Variants in TMEFF1 observed in about 807,000 individuals in gnomAD.
TMEFF1 encodes the protein transmembrane protein with EGF like and two follistatin like domains 1, also known as tomoregulin-1.
In TMEFF1, 20 loss-of-function variants were observed where a neutral mutation model predicts 47.5. The ratio of observed to expected loss-of-function variants is 0.42; its 90% confidence interval spans 0.30 to 0.61. The LOEUF is 0.61. Among genes scored for constraint, TMEFF1 ranks in the 20% least tolerant of loss-of-function variants. TMEFF1 has a pLI of 0.19. For missense variants in TMEFF1, 411 were observed against 471.1 expected, an observed-to-expected ratio of 0.87 and a Z score of 1.18; for synonymous variants, 162 against 166.3, an observed-to-expected ratio of 0.97 and a Z score of 0.20.
At chr9:100,538,164 T>C (rs955624301) in intron 5 of TMEFF1, among the ~76,000 whole-genome samples, 7 of 152,142 alleles carry the variant, frequency 4.6e-5, no homozygotes, top group African/African-American at 1.2e-4. Flanking sequence ...ATGATTCTCC[T>C]GTCTCAGCCT....
chr9:100,523,089 C>A (rs965087746), intron 5 of TMEFF1, among the ~76,000 whole-genome samples: 54 of 152,166 alleles, frequency 3.5e-4, no homozygotes, highest in African/African-American at 1.3e-3. Context: ...AGAGTTTTGC[C>A]TTTAAAATGC....
intron 7 of TMEFF1, among the ~76,000 whole-genome samples, chr9:100,556,288 G>C (rs1316690228): frequency 2.6e-5 from 4 of 152,140 alleles, no homozygotes; most frequent in Non-Finnish European, 5.9e-5. Context: ...CTTGATCTCA[G>C]CTTACTACAT....
chr9:100,495,439 CT>C (rs1837634409), intron 1 of TMEFF1, among the ~76,000 whole-genome samples: 1 of 151,686 alleles, frequency 6.6e-6, no homozygotes, highest in African/African-American at 2.4e-5. Flanking sequence ...GTTTTGTCCC[CT>C]GTCTCTTGAA....
Position 100,473,644 on chromosome 9 carries a change from C to T in TMEFF1, c.100C>T (p.Leu34=), listed in dbSNP as rs774030608. 4 of 1,552,624 alleles carry T rather than the reference C, an allele frequency of 2.6e-6. No homozygotes were observed. The highest frequency in any genetic ancestry group is 1.2e-5 in the South Asian group (1 of 83,406). The change falls in exon 1 of 10, where the codon CTG becomes TTG. Residue 34 remains leucine (L), a synonymous_variant. Transcript: ENST00000374879. The surrounding 1 kb of genome is among the most constrained non-coding windows in gnomAD (Gnocchi z 5.4). The part of the protein sequence containing the change: ...TSVLLLFAFS[L]PGSRASNQPP... ...GGTGCTTCTGCTCTTCGCCTTCTCTCTGCCCGGGAGCCGCGCGTCCAACCA... is the reference window on the plus strand; with the variant it reads ...GGTGCTTCTGCTCTTCGCCTTCTCTTTGCCCGGGAGCCGCGCGTCCAACCA...
At chr9:100,531,329 T>C (rs1035368671) in intron 5 of TMEFF1, among the ~76,000 whole-genome samples, 1 of 152,208 alleles carries the variant, frequency 6.6e-6, no homozygotes, top group Non-Finnish European at 1.5e-5. Flanking sequence ...ATTGTATATC[T>C]AGAAAACCCG....
At position 100,545,563 on chromosome 9, in the gene TMEFF1, C is replaced by T. The variant is rs78920076; in HGVS notation, c.561-2181C>T. ...CTGCCATGAAGACCTCTGACATGCC[C>T]TGGAGACATTTTCCCCATTGTTTTG... is the stretch of plus-strand genomic sequence containing the variant. On this transcript the variant is annotated intron_variant, in intron 5 of 9. Transcript: ENST00000374879. Among the ~76,000 whole-genome samples, 616 of 152,304 alleles carry T rather than the reference C, an allele frequency of 4.0e-3. 8 individuals carry two copies. The East Asian group carries it at 0.051, about 13-fold the overall frequency.
At chr9:100,513,017 A>C (rs927010165) in intron 3 of TMEFF1, among the ~76,000 whole-genome samples, 8 of 152,290 alleles carry the variant, frequency 5.3e-5, no homozygotes, top group Admixed American at 5.2e-4. Context: ...ATTTATATTT[A>C]GCCTTTTACT....
chr9:100,536,345 A>G (rs1838506678), intron 5 of TMEFF1, among the ~76,000 whole-genome samples: 1 of 152,166 alleles, frequency 6.6e-6, no homozygotes, highest in Non-Finnish European at 1.5e-5. Context: ...TTTTAAATGA[A>G]AGTGGTTATT....
chr9:100,561,743 T>A (rs1204385016), intron 8 of TMEFF1, among the ~76,000 whole-genome samples: 1 of 151,772 alleles, frequency 6.6e-6, no homozygotes, highest in Non-Finnish European at 1.5e-5. Context: ...ATTTTAAATA[T>A]AATACTATAC....
chr9:100,575,549 T>TA (rs1839336608), intron 9 of TMEFF1, among the ~76,000 whole-genome samples: 1 of 152,278 alleles, frequency 6.6e-6, no homozygotes, highest in South Asian at 2.1e-4. Flanking sequence ...ATTAGTGAGG[T>TA]AAAACCATAT....
chr9:100,489,938 G>A (rs1408942437), intron 1 of TMEFF1, among the ~76,000 whole-genome samples: 3 of 152,042 alleles, frequency 2.0e-5, no homozygotes, highest in Non-Finnish European at 4.4e-5. Context: ...TCTGTACCCA[G>A]GCCTTTTCTT....
chr9:100,480,370 A>G (rs1405909422), intron 1 of TMEFF1, among the ~76,000 whole-genome samples: 4 of 152,210 alleles, frequency 2.6e-5, no homozygotes, highest in Non-Finnish European at 5.9e-5. Flanking sequence ...TATTTATACC[A>G]GTGGTAATTA....
chr9:100,552,986 T>C (rs1838853966), intron 7 of TMEFF1, among the ~76,000 whole-genome samples: 1 of 151,958 alleles, frequency 6.6e-6, no homozygotes, highest in African/African-American at 2.4e-5. Flanking sequence ...TTCTGTTGGA[T>C]GCACTATTAT....
At position 100,567,530 on chromosome 9, in the gene TMEFF1, C is replaced by A. The variant is rs115998998; in HGVS notation, c.900-4988C>A. Among the ~76,000 whole-genome samples, 841 of 152,270 alleles carry A rather than the reference C, an allele frequency of 5.5e-3. 5 individuals are homozygous for A. Among genetic ancestry groups the A allele is most frequent in the African/African-American group, 0.02 (815 of 41,530 alleles). On this transcript the variant is annotated intron_variant, in intron 8 of 9. Transcript: ENST00000374879. ...GGTAGCTGGTAAGCAGGCCAGGGAT[C>A]TTTATCTGTTCTGTTCACTGATACA...
intron 1 of TMEFF1, among the ~76,000 whole-genome samples, chr9:100,477,614 T>G (rs1837258669): frequency 6.6e-6 from 1 of 150,854 alleles, no homozygotes; most frequent in Non-Finnish European, 1.5e-5. Context: ...TGGATCTGCA[T>G]TCCGCCTTTT....
intron 5 of TMEFF1, 111 bp downstream of exon 5, chr9:100,516,882 AT>A (rs917856254): frequency 3.9e-3 from 4,707 of 1,197,086 alleles, no homozygotes; most frequent in South Asian, 6.7e-3. Context: ...GTGTTTTCAA[AT>A]TTTTTTTTTG....
chr9:100,482,001 C>T (rs566390179), intron 1 of TMEFF1, among the ~76,000 whole-genome samples: 10 of 152,058 alleles, frequency 6.6e-5, no homozygotes, highest in South Asian at 2.1e-4. Context: ...AGGATGGTCT[C>T]GGTCTCCTTG....
intron 1 of TMEFF1, among the ~76,000 whole-genome samples, chr9:100,477,544 A>C (rs961391377): frequency 6.9e-6 from 1 of 145,592 alleles, no homozygotes; most frequent in African/African-American, 2.6e-5. Context: ...TCGAAAACTT[A>C]TTTATCCATT....
intron 7 of TMEFF1, among the ~76,000 whole-genome samples, chr9:100,560,483 G>A (rs549147664): frequency 6.6e-6 from 1 of 151,962 alleles, no homozygotes; most frequent in African/African-American, 2.4e-5. Context: ...TTAATGTATT[G>A]GTGCATATAC....
Sources: allele counts gnomAD v4.1 joint callset (sites outside exome capture counted in the v4.1 genomes callset), GRCh38; gene constraint gnomAD v4.1.1; non-coding constraint Gnocchi (gnomAD v3.1); transcripts MANE v1.5; gene names NCBI Gene and HGNC (gene_info 2026-07-23, HGNC 2026-07-21).